The following SFSWAP variants were observed in gnomAD, a reference collection of about 807,000 sequenced individuals.
SFSWAP encodes the protein splicing factor SWAP, also known as splicing factor, suppressor of white-apricot homolog.
In SFSWAP, 17 loss-of-function variants were observed where a neutral mutation model predicts 100.7. That is an observed-to-expected ratio of 0.17 (90% confidence interval 0.12 to 0.25). The LOEUF (loss-of-function observed/expected upper bound fraction) is 0.25, where lower values mean the gene tolerates loss of function less well. Ranked by LOEUF, SFSWAP falls within the 10% of genes least tolerant of loss-of-function variation. The probability of loss-of-function intolerance (pLI) is 1.00; values close to 1 mark genes in which losing one functional copy is unlikely to be tolerated. For missense variants in SFSWAP, 1,005 were observed against 1,262.6 expected (o/e 0.80, Z 3.09); for synonymous variants, 504 against 510.1 (o/e 0.99, Z 0.16).
chr12:131,753,396 G>T, intron 8 of SFSWAP, 33 bp downstream of exon 8: 3 of 1,591,800 alleles, frequency 1.9e-6, no homozygotes, highest in Non-Finnish European at 2.6e-6. Context: ...CCTGCTGTGT[G>T]AGTCACTCAG....
At chr12:131,779,280 G>A (rs1232807377) in intron 14 of SFSWAP, among the ~76,000 whole-genome samples, 3 of 150,128 alleles carry the variant, frequency 2.0e-5, no homozygotes, top group Admixed American at 6.6e-5. Context: ...TGAAGAGGGC[G>A]GCGCGGGTGG....
At chr12:131,792,181 GATC>G (rs1885291463) in intron 15 of SFSWAP, among the ~76,000 whole-genome samples, 1 of 150,208 alleles carries the variant, frequency 6.7e-6, no homozygotes. Context: ...TGTGTTCACA[GATC>G]ATTACTGTGT....
At chr12:131,717,652 A>C (rs1878054605) in intron 3 of SFSWAP, among the ~76,000 whole-genome samples, 1 of 152,222 alleles carries the variant, frequency 6.6e-6, no homozygotes, top group Non-Finnish European at 1.5e-5. Context: ...AACATTAAGG[A>C]GAAGCTATTT....
Position 131,780,408 on chromosome 12 carries a change from T to C in SFSWAP, c.2408+2078T>C, listed in dbSNP as rs189421179. ...GCTCACACCTGAAATTCCAGTGCTT[T>C]GGGAAGCCAAGATGAGAGGATCACT... On this transcript the variant is annotated intron_variant, in intron 14 of 17. Transcript: ENST00000261674. Among the ~76,000 whole-genome samples the C allele has an allele frequency of 4.7e-3, 718 of 152,354 alleles. 6 individuals carry two copies. Among genetic ancestry groups the C allele is most frequent in the Non-Finnish European group, 8.1e-3 (554 of 68,034 alleles).
intron 7 of SFSWAP, among the ~76,000 whole-genome samples, chr12:131,732,861 T>C (rs1396097492): frequency 1.3e-5 from 2 of 152,168 alleles, no homozygotes; most frequent in African/African-American, 2.4e-5. Context: ...GAGAGAAAGC[T>C]GTCTGGAAAA....
At chr12:131,736,927 T>C (rs1450909557) in intron 7 of SFSWAP, among the ~76,000 whole-genome samples, 2 of 152,114 alleles carry the variant, frequency 1.3e-5, no homozygotes, top group African/African-American at 2.4e-5. Flanking sequence ...GATGTGGTAC[T>C]TGTGGAGGGC....
chr12:131,764,849 C>T (rs1377497067), intron 12 of SFSWAP, among the ~76,000 whole-genome samples, 163 bp downstream of exon 12: 1 of 152,256 alleles, frequency 6.6e-6, no homozygotes, highest in Non-Finnish European at 1.5e-5. Context: ...GAAACGTTCT[C>T]TTTTAGAGGA....
rs1353827493 is a variant in SFSWAP at position 131,711,632 on chromosome 12, C to T, written c.218+185C>T. 5.0e-6 allele frequency: 3 copies of T among 596,272 alleles called. No homozygotes were observed. Among genetic ancestry groups the T allele is most frequent in the Admixed American group, 3.0e-5 (1 of 33,356 alleles). 36.9% of individuals were successfully genotyped at this position (596,272 alleles called of 1,614,324 possible). ...GGGGAGGGGGACGGTGAAACCTGCC[C>T]TAAGGCACTGGCTGGAATTGCGTGC... On this transcript the variant is annotated intron_variant, in intron 1 of 17. Transcript: ENST00000261674. This position sits in a 1 kb window ranked among gnomAD's most constrained non-coding sequence, Gnocchi z 4.9.
chr12:131,746,900 C>A (rs193196131), intron 7 of SFSWAP, among the ~76,000 whole-genome samples: 4 of 152,062 alleles, frequency 2.6e-5, no homozygotes, highest in Admixed American at 2.6e-4. Context: ...GTCAGGAGAT[C>A]GAGACCATCC....
chr12:131,754,948 AT>A (rs1472304502), intron 9 of SFSWAP, among the ~76,000 whole-genome samples: 12 of 152,092 alleles, frequency 7.9e-5, no homozygotes, highest in Admixed American at 3.3e-4. Flanking sequence ...CTTTAGATAA[AT>A]ACATTTTTTA....
rs544710358 is a variant in SFSWAP, at chr12:131,716,568, C to T, written c.520+1615C>T. On this transcript the variant is annotated intron_variant, in intron 3 of 17. Transcript: ENST00000261674. ...ACTTCACAAATAAAGAGTTGAAATA[C>T]AGTCAGCTTATTGGGTCCACATCTG... Among the ~76,000 whole-genome samples the T allele has an allele frequency of 9.8e-5, 15 of 152,298 alleles. No individual in the cohort carries two copies. In the East Asian group the frequency reaches 2.9e-3, roughly 29 times the overall value.
At position 131,711,289 on chromosome 12, in the gene SFSWAP, G is replaced by A; in HGVS notation, c.60G>A (p.Glu20=). Residue 20 remains glutamate, a synonymous_variant, in exon 1 of 18, where the codon GAG becomes GAA. Coordinates refer to ENST00000261674, the MANE Select transcript of SFSWAP (RefSeq NM_004592.4). The surrounding 1 kb of genome is among the most constrained non-coding windows in gnomAD (Gnocchi z 4.9). The part of the protein sequence containing the change: ...KPERKSGAKE[E]AGPGGAGGGG... Reference sequence around the variant, plus strand: ...AGAGGAAAAGCGGCGCGAAGGAGGAGGCCGGGCCAGGCGGTGCCGGCGGTG... The same window carrying A: ...AGAGGAAAAGCGGCGCGAAGGAGGAAGCCGGGCCAGGCGGTGCCGGCGGTG... 1 of 1,613,052 alleles carries A rather than the reference G, an allele frequency of 6.2e-7. No individual in the cohort carries two copies. Among genetic ancestry groups the A allele is most frequent in the Non-Finnish European group, 8.5e-7 (1 of 1,179,734 alleles).
chr12:131,720,451 T>G (rs535593763), intron 4 of SFSWAP, among the ~76,000 whole-genome samples: 2 of 152,318 alleles, frequency 1.3e-5, no homozygotes, highest in East Asian at 3.9e-4. Context: ...GAAAATCTTT[T>G]TGTTGTGTGT....
intron 13 of SFSWAP, among the ~76,000 whole-genome samples, chr12:131,766,668 C>T (rs1593166909): frequency 6.6e-6 from 1 of 152,332 alleles, no homozygotes; most frequent in East Asian, 1.9e-4. Context: ...TCCGCAGCAG[C>T]ACCAGTATTG....
At position 131,754,381 on chromosome 12, in the gene SFSWAP, G is replaced by A. The variant is rs145298891; in HGVS notation, c.1336G>A (p.Val446Met). 73 of 1,570,694 alleles carry A rather than the reference G, an allele frequency of 4.6e-5. No individual in the cohort carries two copies. The highest frequency in any genetic ancestry group is 3.6e-4 in the South Asian group (31 of 85,334). ...CTTCTCCTGCAGTGCACTTGCCCCC[G>A]TGGCCGCCATCATCCCCCCGCCCCC... is the stretch of plus-strand genomic sequence containing the variant. ...TTTTTSALAP[V>M]AAIIPPPPDV... is the part of the protein sequence containing the mutation. The change falls in exon 9 of 18, where the codon GTG (valine) becomes ATG (methionine). Residue 446 changes from valine to methionine, a missense_variant. Physicochemically the swap from Val to Met is conservative, Grantham distance 21 (BLOSUM62 1). Coordinates refer to ENST00000261674, the MANE Select transcript of SFSWAP (RefSeq NM_004592.4).
chr12:131,795,153 C>T (rs1179644732), intron 15 of SFSWAP, among the ~76,000 whole-genome samples: 1 of 152,202 alleles, frequency 6.6e-6, no homozygotes, highest in South Asian at 2.1e-4. Flanking sequence ...TCACTGGGCA[C>T]GTCAGGCAGG....
chr12:131,746,937 T>C (rs868675436), intron 7 of SFSWAP, among the ~76,000 whole-genome samples: 2 of 152,048 alleles, frequency 1.3e-5, no homozygotes, highest in Non-Finnish European at 2.9e-5. Context: ...ACCCGGTCTC[T>C]ACTAAAAATA....
At chr12:131,749,769 G>C (rs969060749) in intron 7 of SFSWAP, among the ~76,000 whole-genome samples, 3 of 152,226 alleles carry the variant, frequency 2.0e-5, no homozygotes, top group African/African-American at 7.2e-5. Flanking sequence ...CTGTGTGAGC[G>C]GCTAAGGTTT....
chr12:131,728,839 A>T (rs1393440797), intron 7 of SFSWAP, among the ~76,000 whole-genome samples: 3 of 151,922 alleles, frequency 2.0e-5, no homozygotes, highest in African/African-American at 7.3e-5. Context: ...AGGTGGGACT[A>T]CAAGCACGAT....
Sources: gnomAD v4.1 joint callset for allele counts (sites outside exome capture counted in the v4.1 genomes callset) on GRCh38, gnomAD v4.1.1 for gene constraint, Gnocchi (gnomAD v3.1) non-coding constraint, MANE v1.5 for transcripts, NCBI Gene and HGNC (gene_info 2026-07-23, HGNC 2026-07-21) for gene names.